The following FAAH2 variants were observed in gnomAD, a reference collection of about 807,000 sequenced individuals.
FAAH2 encodes fatty acid amide hydrolase 2, also known as fatty-acid amide hydrolase 2.
FAAH2 carries 60 observed loss-of-function variants against 36.9 expected under a neutral mutation model. The ratio of observed to expected loss-of-function variants is 1.63; its 90% CI spans 1.32 to 2.02. The LOEUF is 2.02. Ranked by LOEUF, FAAH2 falls within the 30% of genes most tolerant of loss-of-function variation. The pLI is 0.00. For missense variants in FAAH2, 689 were observed against 397.5 expected (o/e 1.73, Z -6.23); for synonymous variants, 214 against 143.8 (o/e 1.49, Z -3.49).
chrX:57,443,857 G>GTTGGAGTT (rs1818407249), intron 8 of FAAH2, among the ~76,000 whole-genome samples: 1 of 112,249 alleles, frequency 8.9e-6, no homozygotes, highest in Non-Finnish European at 1.9e-5. Flanking sequence ...TTGCAGGTCT[G>GTTGGAGTT]TTGGAGTTTA....
At chrX:57,445,520 G>T (rs1184466131) in intron 8 of FAAH2, among the ~76,000 whole-genome samples, 2 of 111,357 alleles carry the variant, frequency 1.8e-5, no homozygotes, top group Non-Finnish European at 3.8e-5. Flanking sequence ...AGGAGACTCT[G>T]GTGCTCTTGA....
At chrX:57,471,868 C>T (rs1383875291) in intron 10 of FAAH2, among the ~76,000 whole-genome samples, 1 of 111,927 alleles carries the variant, frequency 8.9e-6, no homozygotes, top group African/African-American at 3.2e-5. Flanking sequence ...GTAACCAAAA[C>T]AGCATGGTGC....
At chrX:57,236,706 G>T in the FAAH2 span, among the ~76,000 whole-genome samples, 232 of 110,745 alleles carry the variant, frequency 2.1e-3, 1 homozygote, top group Non-Finnish European at 3.7e-3. Context: ...ATTTGGGGGG[G>T]GTGTTTTTCT....
At chrX:57,279,601 T>A in the FAAH2 span, among the ~76,000 whole-genome samples, 1 of 111,023 alleles carries the variant, frequency 9.0e-6, no homozygotes, top group Non-Finnish European at 1.9e-5. Context: ...AGGATAATAA[T>A]AATAAAAAAG....
intron 10 of FAAH2, among the ~76,000 whole-genome samples, chrX:57,465,950 A>G (rs950873515): frequency 2.6e-4 from 28 of 109,768 alleles, no homozygotes; most frequent in Non-Finnish European, 3.8e-4. Flanking sequence ...ATGACACTCA[A>G]CCATAACTGA....
chrX:57,163,546 C>G, the FAAH2 span, among the ~76,000 whole-genome samples: 1 of 111,859 alleles, frequency 8.9e-6, no homozygotes, highest in African/African-American at 3.2e-5. Flanking sequence ...GAGCCAGGTG[C>G]GAGATATAAT....
At chrX:57,224,810 C>T in the FAAH2 span, among the ~76,000 whole-genome samples, 1 of 112,207 alleles carries the variant, frequency 8.9e-6, no homozygotes. Context: ...TCCACACTGC[C>T]TCGTGTTGTC....
chrX:57,436,269 C>A (rs1194485900), intron 8 of FAAH2, among the ~76,000 whole-genome samples: 1 of 109,911 alleles, frequency 9.1e-6, no homozygotes, highest in African/African-American at 3.3e-5. Context: ...AAAGTAGGAA[C>A]ATTACAAATT....
intron 3 of FAAH2, among the ~76,000 whole-genome samples, chrX:57,320,171 G>T (rs771078730): frequency 1.3e-4 from 15 of 111,918 alleles, no homozygotes; most frequent in African/African-American, 4.5e-4. Context: ...TGACAAATGG[G>T]ATCTAATTAA....
chrX:57,322,188 G>C (rs760562793), intron 3 of FAAH2, among the ~76,000 whole-genome samples: 63 of 111,770 alleles, frequency 5.6e-4, no homozygotes, highest in Non-Finnish European at 1.0e-3. Flanking sequence ...ATTTTTAGTA[G>C]AGACGGGGTT....
the FAAH2 span, among the ~76,000 whole-genome samples, chrX:57,266,226 C>T: frequency 8.9e-6 from 1 of 112,081 alleles, no homozygotes; most frequent in East Asian, 2.8e-4. Context: ...CAGGCCTCTG[C>T]CTCCCTGGGA....
At chrX:57,391,956 C>CT (rs1431774057) in intron 7 of FAAH2, among the ~76,000 whole-genome samples, 2 of 109,811 alleles carry the variant, frequency 1.8e-5, no homozygotes, top group Non-Finnish European at 3.8e-5. Flanking sequence ...AGCATAAGAT[C>CT]TTTTTCTATT....
chrX:57,223,897 A>G, the FAAH2 span, among the ~76,000 whole-genome samples: 1 of 111,526 alleles, frequency 9.0e-6, no homozygotes, highest in Non-Finnish European at 1.9e-5. Flanking sequence ...TGGGTTCTCC[A>G]CACACCCTAT....
intron 10 of FAAH2, among the ~76,000 whole-genome samples, chrX:57,474,070 G>T (rs1378070110): frequency 3.6e-5 from 4 of 111,801 alleles, no homozygotes. Flanking sequence ...TTTCCATTGT[G>T]TAATTGCTTT....
At chrX:57,348,374 C>T (rs762801421) in intron 5 of FAAH2, among the ~76,000 whole-genome samples, 6 of 111,207 alleles carry the variant, frequency 5.4e-5, no homozygotes, top group African/African-American at 2.0e-4. Context: ...TCTTACATTG[C>T]TATTGCTATT....
At chrX:57,266,172 C>T in the FAAH2 span, among the ~76,000 whole-genome samples, 1 of 111,633 alleles carries the variant, frequency 9.0e-6, no homozygotes, top group Non-Finnish European at 1.9e-5. Flanking sequence ...GACCTCCCAA[C>T]AGGGGTCTTT....
intron 5 of FAAH2, among the ~76,000 whole-genome samples, chrX:57,378,169 G>C (rs752504142): frequency 3.6e-5 from 4 of 112,100 alleles, no homozygotes; most frequent in African/African-American, 6.5e-5. Flanking sequence ...TTATAAATGA[G>C]CATCAAAATA....
intron 5 of FAAH2, among the ~76,000 whole-genome samples, chrX:57,352,093 CACAT>C (rs1412593819): frequency 0.17 from 380 of 2,231 alleles, 43 homozygotes; most frequent in South Asian, 0.41. Flanking sequence ...TATATATATG[CACAT>C]ATATATATAT....
At position 57,448,692 on chromosome X, in the gene FAAH2, C is replaced by A; in HGVS notation, c.1397C>A (p.Thr466Lys). 1 of 1,209,870 alleles carries A rather than the reference C, an allele frequency of 8.3e-7. No homozygotes were observed. Among genetic ancestry groups the A allele is most frequent in the Non-Finnish European group, 1.1e-6 (1 of 894,430 alleles). ...GCACCTAAGCATCATGTCCCTCTAA[C>A]ACGGCCTTTCAACTTTGCTTACACA... Reference protein sequence around the residue: ...TVAPKHHVPLTRPFNFAYTGV... With the variant: ...TVAPKHHVPLKRPFNFAYTGV... Residue 466 changes from threonine to lysine, a missense_variant, in exon 10 of 11, where the codon ACA becomes AAA. Coordinates refer to ENST00000374900, the MANE Select transcript of FAAH2 (RefSeq NM_174912.4).
Sources: gnomAD v4.1 joint callset for allele counts (sites outside exome capture counted in the v4.1 genomes callset) on GRCh38, gnomAD v4.1.1 for gene constraint, MANE v1.5 for transcripts, NCBI Gene and HGNC (gene_info 2026-07-23, HGNC 2026-07-21) for gene names.